Variants in SORCS2 observed in about 807,000 individuals in gnomAD.
SORCS2 encodes the protein sortilin related VPS10 domain containing receptor 2.
Under a neutral mutation model 141.6 loss-of-function variants are expected in SORCS2, and 100 were observed. That is an observed-to-expected ratio of 0.71 (90% CI 0.60 to 0.83). SORCS2 has a LOEUF of 0.83. SORCS2 is among the 40% of genes least tolerant of loss of function. The pLI, the probability that SORCS2 is intolerant of heterozygous loss-of-function variation, is 0.00. For synonymous variants in SORCS2, 789 were observed against 676.9 expected (o/e 1.17, Z -2.57); for missense variants, 1,646 against 1,560.2 (o/e 1.05, Z -0.93).
chr4:7,689,705 G>A, intron 11 of SORCS2, 117 bp downstream of exon 11: 1 of 912,632 alleles, frequency 1.1e-6, no homozygotes, highest in Non-Finnish European at 1.6e-6. Flanking sequence ...TCCTTTAGGA[G>A]GCAGTACCAC....
At chr4:7,527,048 G>C (rs867567227) in intron 2 of SORCS2, among the ~76,000 whole-genome samples, 4 of 152,178 alleles carry the variant, frequency 2.6e-5, no homozygotes, top group African/African-American at 9.7e-5. Flanking sequence ...GCGGCCCTGC[G>C]GGTCAGTGGT....
At chr4:7,259,568 C>G (rs978229758) in intron 1 of SORCS2, among the ~76,000 whole-genome samples, 1 of 152,202 alleles carries the variant, frequency 6.6e-6, no homozygotes, top group Non-Finnish European at 1.5e-5. Flanking sequence ...GGTGTGGCCC[C>G]TCCCAGGAGC....
At chr4:7,360,571 C>CTGTTTTTTTTT (rs1721520804) in intron 1 of SORCS2, among the ~76,000 whole-genome samples, 1 of 49,272 alleles carries the variant, frequency 2.0e-5, no homozygotes, top group African/African-American at 9.8e-5. Flanking sequence ...CCAGTCCCTT[C>CTGTTTTTTTTT]TTTTTTTTTT....
At chr4:7,570,496 G>A (rs1715317136) in intron 3 of SORCS2, among the ~76,000 whole-genome samples, 1 of 152,258 alleles carries the variant, frequency 6.6e-6, no homozygotes, top group Non-Finnish European at 1.5e-5. Flanking sequence ...CTTGGTGTGT[G>A]TCCCCATCTG....
At chr4:7,468,972 T>C (rs569816835) in intron 2 of SORCS2, among the ~76,000 whole-genome samples, 4 of 152,198 alleles carry the variant, frequency 2.6e-5, no homozygotes, top group South Asian at 2.1e-4. Context: ...ATTTGTAAAA[T>C]AGGAAAAATG....
intron 1 of SORCS2, among the ~76,000 whole-genome samples, chr4:7,366,956 G>A (rs1305541873): frequency 1.3e-5 from 2 of 152,216 alleles, no homozygotes; most frequent in East Asian, 3.8e-4. Flanking sequence ...AGGTCGGAAG[G>A]ACTTAAATTC....
intron 1 of SORCS2, among the ~76,000 whole-genome samples, chr4:7,247,015 T>A (rs1380895131): frequency 6.6e-6 from 1 of 152,200 alleles, no homozygotes; most frequent in Non-Finnish European, 1.5e-5. Context: ...TCTGTGCCTT[T>A]ACAGGGGCTC....
intron 14 of SORCS2, among the ~76,000 whole-genome samples, chr4:7,704,638 C>G (rs955918069): frequency 2.4e-4 from 36 of 152,348 alleles, no homozygotes; most frequent in African/African-American, 6.3e-4. Context: ...GGCTGCAGCA[C>G]TGGCCCTGCC....
intron 3 of SORCS2, among the ~76,000 whole-genome samples, chr4:7,568,966 C>G (rs1323638575): frequency 6.6e-6 from 1 of 152,210 alleles, no homozygotes; most frequent in Non-Finnish European, 1.5e-5. Context: ...TACCTTGGCT[C>G]AGAACTCCCA....
chr4:7,374,187 C>CT (rs1553850694), intron 1 of SORCS2, among the ~76,000 whole-genome samples: 37 of 133,750 alleles, frequency 2.8e-4, no homozygotes, highest in African/African-American at 9.4e-4. Flanking sequence ...TTCTTTCTTT[C>CT]TTTCTTTCTT....
At chr4:7,439,047 ATGG>A (rs1727483934) in intron 2 of SORCS2, among the ~76,000 whole-genome samples, 1 of 152,138 alleles carries the variant, frequency 6.6e-6, no homozygotes, top group Non-Finnish European at 1.5e-5. Flanking sequence ...TCCAGGGAAC[ATGG>A]TGTTTAGAAA....
intron 2 of SORCS2, chr4:7,434,827 C>T (rs1411291020): frequency 1.3e-6 from 2 of 1,599,390 alleles, no homozygotes; most frequent in African/African-American, 1.3e-5. Flanking sequence ...TGAGGTGGGG[C>T]TGGCCCTGGT....
intron 1 of SORCS2, among the ~76,000 whole-genome samples, chr4:7,347,993 A>G (rs150307765): frequency 1.9e-3 from 297 of 152,372 alleles, no homozygotes; most frequent in African/African-American, 6.8e-3. Context: ...AATCACATGA[A>G]ATGAACAGGC....
chr4:7,597,898 G>C (rs1214210986), intron 3 of SORCS2, among the ~76,000 whole-genome samples: 1 of 151,902 alleles, frequency 6.6e-6, no homozygotes, highest in Non-Finnish European at 1.5e-5. Flanking sequence ...GGATTCCCAG[G>C]AAGGGCCATT....
chr4:7,332,569 T>G (rs2108969563), intron 1 of SORCS2, among the ~76,000 whole-genome samples: 1 of 152,294 alleles, frequency 6.6e-6, no homozygotes, highest in Non-Finnish European at 1.5e-5. Context: ...GACGGCAGAC[T>G]TCAGCCCCAT....
chr4:7,536,068 C>T (rs145918905), intron 3 of SORCS2, among the ~76,000 whole-genome samples: 24 of 152,284 alleles, frequency 1.6e-4, no homozygotes, highest in Non-Finnish European at 2.6e-4. Context: ...GAGGTGTGGA[C>T]GGGCCACGTG....
intron 2 of SORCS2, among the ~76,000 whole-genome samples, chr4:7,488,054 A>G (rs1411788067): frequency 6.6e-6 from 1 of 152,166 alleles, no homozygotes; most frequent in Non-Finnish European, 1.5e-5. Flanking sequence ...TCAGCATTTA[A>G]GGTAATGCGC....
At chr4:7,499,770 A>C (rs1731848773) in intron 2 of SORCS2, among the ~76,000 whole-genome samples, 1 of 152,110 alleles carries the variant, frequency 6.6e-6, no homozygotes, top group Admixed American at 6.5e-5. Flanking sequence ...AAACCCCACA[A>C]GTCATTAAAT....
At chr4:7,526,245 C>T (rs1483080848) in intron 2 of SORCS2, among the ~76,000 whole-genome samples, 7 of 152,278 alleles carry the variant, frequency 4.6e-5, no homozygotes, top group East Asian at 1.9e-4. Flanking sequence ...AGAAGACGCC[C>T]ATCGCCTTGG....
Sources: gnomAD v4.1 joint callset for allele counts (sites outside exome capture counted in the v4.1 genomes callset) on GRCh38, gnomAD v4.1.1 for gene constraint, MANE v1.5 for transcripts, NCBI Gene and HGNC (gene_info 2026-07-23, HGNC 2026-07-21) for gene names.